COP1: variants seen among roughly 807,000 people sequenced by gnomAD.
The protein encoded by COP1 is E3 ubiquitin-protein ligase COP1.
In COP1, 24 loss-of-function variants were observed where a neutral mutation model predicts 101.3. The ratio of observed to expected loss-of-function variants is 0.24; its 90% CI spans 0.17 to 0.33. COP1 has a LOEUF of 0.33. Ranked by LOEUF, COP1 falls within the 10% of genes least tolerant of loss-of-function variation. The pLI is 1.00. For missense variants in COP1, 663 were observed against 906.2 expected, an observed-to-expected ratio of 0.73 and a Z score of 3.45; for synonymous variants, 347 against 341.9, an observed-to-expected ratio of 1.01 and a Z score of -0.17.
chr1:176,056,996 T>C (rs1673623754), intron 11 of COP1, among the ~76,000 whole-genome samples: 1 of 152,190 alleles, frequency 6.6e-6, no homozygotes, highest in Non-Finnish European at 1.5e-5. Flanking sequence ...ACAATCTACG[T>C]TATACCTCCA....
rs564264773 is a variant in COP1 at position 176,122,366 on chromosome 1, T to A, written c.969-5685A>T. On this transcript the variant is annotated intron_variant, in intron 8 of 19. Transcript: ENST00000367669. ...ACGATACATGGCATATGTACTCTGTTACCTTTCCAAAATCGGTGAAGGCAG... is the reference window on the plus strand; with the variant it reads ...ACGATACATGGCATATGTACTCTGTAACCTTTCCAAAATCGGTGAAGGCAG... Among the ~76,000 whole-genome samples, 16 of 152,314 alleles carry A rather than the reference T, an allele frequency of 1.1e-4. No individual in the cohort carries two copies. The East Asian group carries it at 3.1e-3, about 29-fold the overall frequency.
In COP1 at chr1:175,945,237, CTT is replaced by C. The variant is rs2148468743; in HGVS notation, c.2179-69_2179-68del. The C allele has an allele frequency of 2.6e-6, 3 of 1,159,736 alleles. No individual in the cohort carries two copies. In the East Asian group the frequency reaches 7.5e-5, roughly 29 times the overall value. 71.8% of individuals were successfully genotyped at this position (1,159,736 alleles called of 1,614,324 possible). A position where few individuals can be genotyped will look rare whatever the true frequency, so the allele number is the denominator to read the frequency against. ...AAGATATAAAAGGAATTTAATGACTCTTTACTATATTTACCAATAGAAAAGCA... is the reference window on the plus strand; with the variant it reads ...AAGATATAAAAGGAATTTAATGACTCTACTATATTTACCAATAGAAAAGCA... On this transcript the variant is annotated intron_variant, in intron 19 of 19. Transcript: ENST00000367669.
chr1:176,143,812 T>G (rs1431030085), intron 6 of COP1, among the ~76,000 whole-genome samples: 1 of 152,102 alleles, frequency 6.6e-6, no homozygotes, highest in East Asian at 1.9e-4. Context: ...TCCCCAATGC[T>G]AAACCAAAGT....
chr1:176,088,743 C>T (rs533711954), intron 9 of COP1, among the ~76,000 whole-genome samples: 37 of 152,208 alleles, frequency 2.4e-4, no homozygotes, highest in Middle Eastern at 3.4e-3. Flanking sequence ...TACCTGTAAT[C>T]CCAGCATTTT....
chr1:175,960,585 A>C (rs1651216819), intron 18 of COP1, among the ~76,000 whole-genome samples: 1 of 152,184 alleles, frequency 6.6e-6, no homozygotes, highest in African/African-American at 2.4e-5. Context: ...CAAAATTGTC[A>C]AAAATCATGA....
intron 6 of COP1, among the ~76,000 whole-genome samples, chr1:176,137,134 T>C (rs1183892350): frequency 3.9e-5 from 6 of 152,228 alleles, no homozygotes; most frequent in African/African-American, 1.4e-4. Flanking sequence ...ATCTTAACAC[T>C]TCCTTCTTAA....
At chr1:176,079,617 T>A (rs143702230) in intron 11 of COP1, among the ~76,000 whole-genome samples, 1 of 151,762 alleles carries the variant, frequency 6.6e-6, no homozygotes, top group Non-Finnish European at 1.5e-5. Flanking sequence ...AACCTGCTTA[T>A]GTACCCTTTA....
chr1:176,134,991 G>A lies in COP1; in HGVS notation c.968+19C>T, dbSNP rs372425386. ...TTTGTAATATGAATTCTAATCAATT[G>A]CAAGTGTGAAGCTTGTACCTGTGTG... On this transcript the variant is annotated intron_variant, in intron 8 of 19. Coordinates refer to ENST00000367669, the MANE Select transcript of COP1 (RefSeq NM_022457.7). 3.2e-6 allele frequency: 5 copies of A among 1,574,904 alleles called. No individual in the cohort carries two copies. Among genetic ancestry groups the A allele is most frequent in the South Asian group, 2.2e-5 (2 of 89,926 alleles).
chr1:176,032,453 T>C lies in COP1; in HGVS notation c.1613-4765A>G, dbSNP rs568159503. On this transcript the variant is annotated intron_variant, in intron 14 of 19. Coordinates refer to ENST00000367669, the MANE Select transcript of COP1 (RefSeq NM_022457.7). ...CAAACTGCCCTAAAGCTTAGCTACT[T>C]AAAACAGCAAACATATACTATCTCA... Among the ~76,000 whole-genome samples the C allele has an allele frequency of 4.6e-5, 7 of 152,324 alleles. No individual in the cohort carries two copies. The East Asian group carries it at 1.4e-3, about 29-fold the overall frequency.
At chr1:176,202,611 T>C (rs1271416895) in intron 1 of COP1, among the ~76,000 whole-genome samples, 1 of 151,602 alleles carries the variant, frequency 6.6e-6, no homozygotes, top group Non-Finnish European at 1.5e-5. Flanking sequence ...GACATGAAGA[T>C]TGCTTGAGCC....
chr1:175,966,220 T>C (rs1652005128), intron 18 of COP1, among the ~76,000 whole-genome samples: 1 of 152,102 alleles, frequency 6.6e-6, no homozygotes. Context: ...TAGCCTTCCC[T>C]GCATTCTATA....
intron 5 of COP1, among the ~76,000 whole-genome samples, chr1:176,151,347 GAAAGAA>G (rs1163140272): frequency 1.5e-3 from 181 of 119,650 alleles, no homozygotes; most frequent in African/African-American, 4.3e-3. Context: ...AGGAAGGAAA[GAAAGAA>G]AAAGAAAGAA....
intron 18 of COP1, among the ~76,000 whole-genome samples, chr1:175,983,085 GATTTA>G (rs1215875589): frequency 6.6e-6 from 1 of 152,138 alleles, no homozygotes; most frequent in East Asian, 1.9e-4. Context: ...TCATTAGTTT[GATTTA>G]ATCATTCCAT....
rs1466946780 is a variant in COP1, at chr1:176,207,238, A to C, written c.-260T>G. 2.5e-6 allele frequency: 1 copy of C among 398,260 alleles called. No homozygotes were observed. The highest frequency in any genetic ancestry group is 4.4e-6 in the Non-Finnish European group (1 of 226,138). The allele number at this position is 398,260 out of a possible 1,614,324, so 24.7% of individuals were successfully genotyped here. On this transcript the variant is annotated 5_prime_UTR_variant, in exon 1 of 20. Coordinates refer to ENST00000367669, the MANE Select transcript of COP1 (RefSeq NM_022457.7). ...CCGCCGCCGCCACCGCGGTCCCTGT[A>C]GCAGCCAACCCCGGCGCGCCGTGGC...
At chr1:175,953,043 AG>A (rs1297094206) in intron 18 of COP1, among the ~76,000 whole-genome samples, 1 of 152,252 alleles carries the variant, frequency 6.6e-6, no homozygotes, top group Non-Finnish European at 1.5e-5. Context: ...AAATAATAAC[AG>A]TGCTTTAAGG....
At position 176,101,417 on chromosome 1, in the gene COP1, C is replaced by T. The variant is rs150607135; in HGVS notation, c.1026+15207G>A. On this transcript the variant is annotated intron_variant, in intron 9 of 19. Coordinates refer to ENST00000367669, the MANE Select transcript of COP1 (RefSeq NM_022457.7). ...CAGGACTCCTTTGGAAAAAAAAAGG[C>T]TTTCTTTTTCCTTTCTCCTCCTCTG... 1.9e-3 allele frequency among the ~76,000 whole-genome samples: 292 copies of T among 152,266 alleles called. 3 individuals carry two copies. The highest frequency in any genetic ancestry group is 6.8e-3 in the African/African-American group (282 of 41,548).
intron 18 of COP1, among the ~76,000 whole-genome samples, chr1:175,978,552 C>T (rs1220161568): frequency 1.3e-5 from 2 of 152,106 alleles, no homozygotes; most frequent in Admixed American, 6.6e-5. Context: ...TTCCCCACCC[C>T]ACTCTATTCT....
At chr1:176,185,573 A>AAATGC (rs1435891611) in intron 1 of COP1, among the ~76,000 whole-genome samples, 1 of 152,248 alleles carries the variant, frequency 6.6e-6, no homozygotes, top group Non-Finnish European at 1.5e-5. Context: ...ATGAGAACAA[A>AAATGC]AATGCAAAAC....
At chr1:176,159,869 G>A (rs1448541920) in intron 5 of COP1, among the ~76,000 whole-genome samples, 1 of 152,112 alleles carries the variant, frequency 6.6e-6, no homozygotes, top group East Asian at 1.9e-4. Flanking sequence ...GTTTAAGTAT[G>A]AAAATAATTA....
Sources: allele counts gnomAD v4.1 joint callset (sites outside exome capture counted in the v4.1 genomes callset), GRCh38; gene constraint gnomAD v4.1.1; transcripts MANE v1.5; gene names NCBI Gene and HGNC (gene_info 2026-07-23, HGNC 2026-07-21).